Variants in GLT1D1 observed in about 807,000 individuals in gnomAD.
GLT1D1 encodes the protein glycosyltransferase 1 domain containing 1, also known as glycosyltransferase 1 domain-containing protein 1.
Under a neutral mutation model 28.7 loss-of-function variants are expected in GLT1D1, and 21 were observed. The ratio of observed to expected loss-of-function variants is 0.73; its 90% CI spans 0.52 to 1.05. The LOEUF is 1.05. GLT1D1 is among the 50% of genes least tolerant of loss of function. The pLI, the probability that GLT1D1 is intolerant of heterozygous loss-of-function variation, is 0.00. For synonymous variants in GLT1D1, 147 were observed against 124.8 expected, an observed-to-expected ratio of 1.18 and a Z score of -1.19; for missense variants, 343 against 330.6, an observed-to-expected ratio of 1.04 and a Z score of -0.29.
chr12:128,910,576 A>G (rs1173231269), intron 4 of GLT1D1, among the ~76,000 whole-genome samples: 1 of 152,088 alleles, frequency 6.6e-6, no homozygotes, highest in Non-Finnish European at 1.5e-5. Context: ...AGCCTCCACT[A>G]CACTCCAGTA....
chr12:128,875,054 T>TTGTGTGTGTGTG (rs376956933), intron 1 of GLT1D1, among the ~76,000 whole-genome samples: 2,172 of 143,872 alleles, frequency 0.015, 33 homozygotes, highest in Middle Eastern at 0.029. Flanking sequence ...GACATAAATA[T>TTGTGTGTGTGTG]TGTGTGTGTG....
At chr12:128,912,877 C>T in intron 4 of GLT1D1, among the ~76,000 whole-genome samples, 1 of 151,960 alleles carries the variant, frequency 6.6e-6, no homozygotes, top group East Asian at 1.9e-4. Flanking sequence ...GCCATGTTGC[C>T]CAGGTTGGTC....
intron 6 of GLT1D1, among the ~76,000 whole-genome samples, chr12:128,952,391 T>C (rs1243917447): frequency 1.7e-5 from 2 of 118,502 alleles, no homozygotes; most frequent in Non-Finnish European, 1.6e-5. Context: ...ATAGAGGTAA[T>C]CAAGTTAGAA....
intron 2 of GLT1D1, among the ~76,000 whole-genome samples, chr12:128,879,365 ATTAT>A (rs1268485842): frequency 8.0e-6 from 1 of 125,206 alleles, no homozygotes; most frequent in African/African-American, 3.4e-5. Flanking sequence ...AGTGATACTT[ATTAT>A]TTTTTTCTTT....
intron 1 of GLT1D1, among the ~76,000 whole-genome samples, chr12:128,868,486 A>G (rs1406122286): frequency 2.0e-5 from 3 of 152,170 alleles, no homozygotes; most frequent in Non-Finnish European, 2.9e-5. Flanking sequence ...CGTATGGAGA[A>G]GGGAAATGGG....
intron 7 of GLT1D1, among the ~76,000 whole-genome samples, chr12:128,968,713 G>C (rs941647304): frequency 6.6e-6 from 1 of 152,130 alleles, no homozygotes; most frequent in Non-Finnish European, 1.5e-5. Context: ...GAGCAGCATA[G>C]GGACAGCCTG....
At position 128,933,300 on chromosome 12, in the gene GLT1D1, GC is replaced by G. The variant is rs1451572272; in HGVS notation, c.376-12024del. ...CAGGCGGCGCCCGTGCGCAGGCGGA[GC>G]CGAGTCCCGCGCATTTCACACGGGA... On this transcript the variant is annotated intron_variant, in intron 4 of 7. Coordinates refer to ENST00000281703, the MANE Select transcript of GLT1D1 (RefSeq NM_144669.3). Among the ~76,000 whole-genome samples, 5 of 152,396 alleles carry G rather than the reference GC, an allele frequency of 3.3e-5. No homozygotes were observed. The East Asian group carries it at 9.6e-4, about 29-fold the overall frequency.
At chr12:128,977,534 C>T (rs1262765272) in intron 7 of GLT1D1, among the ~76,000 whole-genome samples, 7 of 151,980 alleles carry the variant, frequency 4.6e-5, no homozygotes, top group Non-Finnish European at 7.4e-5. Flanking sequence ...GAATTTAGAC[C>T]TCTCTTGGAA....
intron 5 of GLT1D1, 107 bp from the exon 10 acceptor site, chr12:128,947,231 A>G (rs1460579820): frequency 2.9e-5 from 36 of 1,256,650 alleles, no homozygotes; most frequent in Non-Finnish European, 4.1e-5. Flanking sequence ...AACAATGCTT[A>G]CTTGCTGATC....
chr12:128,886,276 G>C (rs1335342271), intron 2 of GLT1D1, among the ~76,000 whole-genome samples: 1 of 152,098 alleles, frequency 6.6e-6, no homozygotes, highest in Non-Finnish European at 1.5e-5. Context: ...GACTAATACA[G>C]TCCCTTTGTG....
intron 7 of GLT1D1, among the ~76,000 whole-genome samples, chr12:128,981,400 G>A (rs1880305116): frequency 6.6e-6 from 1 of 152,118 alleles, no homozygotes; most frequent in African/African-American, 2.4e-5. Flanking sequence ...GATATGACCA[G>A]CATCATAAAA....
At chr12:128,912,588 A>G (rs749720086) in intron 4 of GLT1D1, 128 bp downstream of exon 5, 13 of 358,426 alleles carry the variant, frequency 3.6e-5, no homozygotes, top group Non-Finnish European at 5.8e-5. Flanking sequence ...TCCTTAAGAG[A>G]CACATATTGA....
At chr12:128,975,031 G>GCC (rs1555222039) in intron 7 of GLT1D1, among the ~76,000 whole-genome samples, 1 of 145,178 alleles carries the variant, frequency 6.9e-6, no homozygotes, top group South Asian at 2.2e-4. Context: ...TTTGTTTAGT[G>GCC]CCCCCCCGCA....
chr12:128,960,855 G>C (rs974607639), intron 7 of GLT1D1, among the ~76,000 whole-genome samples: 1 of 152,184 alleles, frequency 6.6e-6, no homozygotes, highest in African/African-American at 2.4e-5. Flanking sequence ...GTCAGCCTTA[G>C]TTATGTACAT....
At chr12:128,914,426 C>G (rs573254499) in intron 4 of GLT1D1, among the ~76,000 whole-genome samples, 52 of 152,230 alleles carry the variant, frequency 3.4e-4, no homozygotes, top group African/African-American at 1.2e-3. Context: ...TCCATGGGCT[C>G]TTTTTAACCC....
At chr12:128,929,736 C>A in intron 4 of GLT1D1, among the ~76,000 whole-genome samples, 1 of 152,026 alleles carries the variant, frequency 6.6e-6, no homozygotes, top group East Asian at 1.9e-4. Context: ...CCAAGAGGGG[C>A]GATCACCTGA....
Position 128,920,876 on chromosome 12 carries a change from T to C in GLT1D1, c.375+21589T>C, listed in dbSNP as rs1872599349. ...GAAAAGCAAAGGTAATAAAAATAAG[T>C]TTGGCATTAAAAGGAGGAGACAACA... On this transcript the variant is annotated intron_variant, in intron 4 of 7. Transcript: ENST00000281703. Among the ~76,000 whole-genome samples, 5 of 152,318 alleles carry C rather than the reference T, an allele frequency of 3.3e-5. No homozygotes were observed. The South Asian group carries it at 1.0e-3, about 32-fold the overall frequency.
intron 1 of GLT1D1, among the ~76,000 whole-genome samples, chr12:128,867,600 C>T (rs1278319047): frequency 4.6e-5 from 7 of 152,106 alleles, no homozygotes; most frequent in Non-Finnish European, 1.0e-4. Context: ...GGGATCCCAT[C>T]TCACAGATCT....
intron 3 of GLT1D1, among the ~76,000 whole-genome samples, chr12:128,891,194 A>C (rs1452685083): frequency 6.6e-6 from 1 of 152,144 alleles, no homozygotes; most frequent in Non-Finnish European, 1.5e-5. Flanking sequence ...ATCATATGAA[A>C]ATTGTGAAAA....
Sources: allele counts gnomAD v4.1 joint callset (sites outside exome capture counted in the v4.1 genomes callset), GRCh38; gene constraint gnomAD v4.1.1; transcripts MANE v1.5; gene names NCBI Gene and HGNC (gene_info 2026-07-23, HGNC 2026-07-21).